Variants in GRXCR1 observed in about 807,000 individuals in gnomAD.
The protein encoded by GRXCR1 is glutaredoxin domain-containing cysteine-rich protein 1.
GRXCR1 carries 27 observed loss-of-function variants against 27.3 expected under a neutral mutation model. The observed-to-expected ratio is 0.99, with a 90% CI of 0.73 to 1.37. GRXCR1 has a LOEUF of 1.37. Among genes scored for constraint, GRXCR1 ranks in the 40% most tolerant of loss-of-function variants. GRXCR1 has a pLI of 0.00. For missense variants in GRXCR1, 379 were observed against 354.4 expected (o/e 1.07, Z -0.56); for synonymous variants, 122 against 131.1 (o/e 0.93, Z 0.47).
chr4:43,021,488 T>C (rs1713090355), intron 3 of GRXCR1, among the ~76,000 whole-genome samples: 1 of 150,950 alleles, frequency 6.6e-6, no homozygotes, highest in African/African-American at 2.5e-5. Context: ...GTTTTATTCA[T>C]ATTGTGACCT....
chr4:42,905,092 C>T (rs934081592), intron 1 of GRXCR1, among the ~76,000 whole-genome samples: 5 of 152,222 alleles, frequency 3.3e-5, no homozygotes, highest in Non-Finnish European at 7.3e-5. Context: ...GACCCTGCCA[C>T]ACAAACCTGT....
intron 1 of GRXCR1, among the ~76,000 whole-genome samples, chr4:42,942,969 G>A (rs1747658810): frequency 6.6e-6 from 1 of 152,054 alleles, no homozygotes; most frequent in Non-Finnish European, 1.5e-5. Flanking sequence ...GAAGAGTAAG[G>A]AGAGAAGGGA....
chr4:42,992,160 C>A (rs1172429189), intron 2 of GRXCR1, among the ~76,000 whole-genome samples: 2 of 152,100 alleles, frequency 1.3e-5, no homozygotes, highest in African/African-American at 4.8e-5. Flanking sequence ...GCTATACTTA[C>A]AGAATTATAC....
In GRXCR1 at chr4:42,893,479, T is replaced by C; in HGVS notation, c.213T>C (p.Asp71=). Residue 71 remains aspartate, a synonymous_variant, in exon 1 of 4, where the codon GAT becomes GAC. Transcript: ENST00000399770. ...QQNGHIESEG[D]ENENDQDSLL... Reference sequence around the variant, plus strand: ...ATGGCCACATAGAGTCAGAAGGTGATGAGAATGAGAATGACCAGGATAGCT... The same window carrying C: ...ATGGCCACATAGAGTCAGAAGGTGACGAGAATGAGAATGACCAGGATAGCT... The C allele has an allele frequency of 6.2e-7, 1 of 1,613,800 alleles. No individual in the cohort carries two copies. The highest frequency in any genetic ancestry group is 1.3e-5 in the African/African-American group (1 of 74,964).
intron 2 of GRXCR1, among the ~76,000 whole-genome samples, chr4:42,967,733 A>T (rs1004133633): frequency 6.6e-6 from 1 of 152,134 alleles, no homozygotes; most frequent in African/African-American, 2.4e-5. Flanking sequence ...ACCTATACAT[A>T]TTCTTCAGCT....
chr4:42,995,488 T>C (rs1211191704), intron 2 of GRXCR1, among the ~76,000 whole-genome samples: 1 of 152,168 alleles, frequency 6.6e-6, no homozygotes, highest in African/African-American at 2.4e-5. Flanking sequence ...CTGTCTTCTT[T>C]GCTAGAAAGA....
Position 43,030,453 on chromosome 4 carries a change from A to G in GRXCR1, c.786A>G (p.Arg262=). The G allele has an allele frequency of 6.2e-7, 1 of 1,614,080 alleles. No homozygotes were observed. Among genetic ancestry groups the G allele is most frequent in the South Asian group, 1.1e-5 (1 of 91,074 alleles). ...VCHGSKMSMF[R]NCFTDSFKAL... ...ATGGGAGCAAGATGTCCATGTTTCG[A>G]AACTGCTTCACAGACTCTTTCAAAG... The change falls in exon 4 of 4, where the codon CGA becomes CGG. Residue 262 remains arginine, a synonymous_variant. Coordinates refer to ENST00000399770, the MANE Select transcript of GRXCR1 (RefSeq NM_001080476.3).
intron 2 of GRXCR1, among the ~76,000 whole-genome samples, chr4:42,980,983 C>A (rs1209742552): frequency 6.6e-6 from 1 of 150,580 alleles, no homozygotes. Context: ...ATCCATTCAG[C>A]TACTGTATCT....
At chr4:42,965,119 G>A (rs976616925) in intron 2 of GRXCR1, among the ~76,000 whole-genome samples, 6 of 152,008 alleles carry the variant, frequency 3.9e-5, no homozygotes, top group Non-Finnish European at 7.4e-5. Context: ...TATAATGCCC[G>A]TCCTGCTATT....
At chr4:43,025,382 C>T (rs1201937745) in intron 3 of GRXCR1, among the ~76,000 whole-genome samples, 6 of 152,162 alleles carry the variant, frequency 3.9e-5, no homozygotes, top group East Asian at 1.9e-4. Context: ...CTAGTGAATA[C>T]TCAATATATA....
chr4:42,939,428 A>G (rs1747551278), intron 1 of GRXCR1, among the ~76,000 whole-genome samples: 1 of 152,048 alleles, frequency 6.6e-6, no homozygotes, highest in Admixed American at 6.6e-5. Context: ...TTCCAAATAT[A>G]AGATCATATC....
intron 2 of GRXCR1, among the ~76,000 whole-genome samples, chr4:43,011,285 C>T (rs768290647): frequency 3.9e-5 from 6 of 152,168 alleles, no homozygotes; most frequent in Non-Finnish European, 7.4e-5. Context: ...TGAAGGAGAA[C>T]TTTATAGACT....
At chr4:43,024,620 A>G (rs1713197521) in intron 3 of GRXCR1, among the ~76,000 whole-genome samples, 1 of 152,322 alleles carries the variant, frequency 6.6e-6, no homozygotes, top group South Asian at 2.1e-4. Flanking sequence ...TATGAGCTAC[A>G]AATTTCCCTT....
At chr4:42,902,530 T>A (rs1009232395) in intron 1 of GRXCR1, among the ~76,000 whole-genome samples, 3 of 136,634 alleles carry the variant, frequency 2.2e-5, no homozygotes, top group African/African-American at 7.6e-5. Context: ...CAGTCTATCA[T>A]TGATGGCATT....
intron 1 of GRXCR1, among the ~76,000 whole-genome samples, chr4:42,933,295 A>G (rs1440594330): frequency 6.6e-6 from 1 of 151,862 alleles, no homozygotes; most frequent in South Asian, 2.1e-4. Context: ...GGGACTCATG[A>G]GTCAGAGCCA....
intron 1 of GRXCR1, among the ~76,000 whole-genome samples, chr4:42,936,396 G>T (rs1747458189): frequency 6.6e-6 from 1 of 151,750 alleles, no homozygotes; most frequent in Admixed American, 6.6e-5. Context: ...ACTAGTGTTA[G>T]AATTTTTTAT....
chr4:42,987,516 A>G (rs896720680), intron 2 of GRXCR1, among the ~76,000 whole-genome samples: 1 of 151,724 alleles, frequency 6.6e-6, no homozygotes, highest in South Asian at 2.1e-4. Context: ...ATCTTGGCCT[A>G]AAGTGATTCT....
chr4:42,965,698 A>C (rs1185795351), intron 2 of GRXCR1, among the ~76,000 whole-genome samples: 1 of 152,092 alleles, frequency 6.6e-6, no homozygotes, highest in Non-Finnish European at 1.5e-5. Flanking sequence ...TTTGTGAATC[A>C]TCTGCACAAT....
At chr4:42,955,840 C>T (rs577400051) in intron 1 of GRXCR1, among the ~76,000 whole-genome samples, 6 of 152,106 alleles carry the variant, frequency 3.9e-5, no homozygotes, top group East Asian at 1.9e-4. Flanking sequence ...AAAATCAGTG[C>T]GAGGCTAGAG....
Sources: allele counts gnomAD v4.1 joint callset (sites outside exome capture counted in the v4.1 genomes callset), GRCh38; gene constraint gnomAD v4.1.1; transcripts MANE v1.5; gene names NCBI Gene and HGNC (gene_info 2026-07-23, HGNC 2026-07-21).